The following CDC45 variants were observed in gnomAD, a reference collection of about 807,000 sequenced individuals.
CDC45 encodes cell division cycle 45.
Under a neutral mutation model 77.8 loss-of-function variants are expected in CDC45, and 54 were observed. The ratio of observed to expected loss-of-function variants is 0.69; its 90% CI spans 0.56 to 0.87. The LOEUF is 0.87. CDC45 is among the 40% of genes least tolerant of loss of function. The probability of loss-of-function intolerance (pLI) is 0.00; values close to 1 mark genes in which losing one functional copy is unlikely to be tolerated. For missense variants in CDC45, 649 were observed against 721.6 expected (o/e 0.90, Z 1.15); for synonymous variants, 260 against 272.1 (o/e 0.96, Z 0.44).
Position 19,507,381 on chromosome 22 carries a change from C to T in CDC45, c.825-5C>T, listed in dbSNP as rs1933254120. Reference sequence around the variant, plus strand: ...TGCTTGCATGCTCCTTGACTGCAGGCCCAGCCTCCGCCTGGTGCTCTACCA... The same window carrying T: ...TGCTTGCATGCTCCTTGACTGCAGGTCCAGCCTCCGCCTGGTGCTCTACCA... On this transcript the variant is annotated splice_region_variant and splice_polypyrimidine_tract_variant and intron_variant, in intron 10 of 18. Coordinates refer to ENST00000263201, the MANE Select transcript of CDC45 (RefSeq NM_003504.5). The T allele has an allele frequency of 1.2e-6, 2 of 1,613,562 alleles. No individual in the cohort carries two copies. Among genetic ancestry groups the T allele is most frequent in the Non-Finnish European group, 8.5e-7 (1 of 1,179,848 alleles).
At position 19,495,636 on chromosome 22, in the gene CDC45, A is replaced by G. The variant is rs145011946; in HGVS notation, c.543-345A>G. Reference sequence around the variant, plus strand: ...AGTTTGAGACCAACCTGGACAACATAGTGAGACTTTGTCTCTATTAAAAAA... The same window carrying G: ...AGTTTGAGACCAACCTGGACAACATGGTGAGACTTTGTCTCTATTAAAAAA... On this transcript the variant is annotated intron_variant, in intron 6 of 18. Coordinates refer to ENST00000263201, the MANE Select transcript of CDC45 (RefSeq NM_003504.5). Among the ~76,000 whole-genome samples the G allele has an allele frequency of 2.0e-5, 3 of 152,332 alleles. No homozygotes were observed. In the East Asian group the frequency reaches 5.8e-4, roughly 29 times the overall value.
At chr22:19,491,801 T>G (rs2090157681) in intron 5 of CDC45, among the ~76,000 whole-genome samples, 1 of 151,984 alleles carries the variant, frequency 6.6e-6, no homozygotes, top group Non-Finnish European at 1.5e-5. Flanking sequence ...CACCTCCCGT[T>G]ACCCAGCTTC....
chr22:19,498,930 C>T (rs1201198312), intron 8 of CDC45, among the ~76,000 whole-genome samples, 171 bp from the exon 9 acceptor site: 1 of 152,222 alleles, frequency 6.6e-6, no homozygotes, highest in Non-Finnish European at 1.5e-5. Context: ...CTAACCTCTT[C>T]ACCTCAAGGA....
intron 5 of CDC45, among the ~76,000 whole-genome samples, chr22:19,487,460 G>A (rs973042997): frequency 6.6e-6 from 1 of 151,902 alleles, no homozygotes; most frequent in Admixed American, 6.6e-5. Flanking sequence ...CAGGAGGTTG[G>A]TTGAGGCTGC....
chr22:19,519,179 T>G (rs950621774), intron 18 of CDC45, among the ~76,000 whole-genome samples: 2 of 152,168 alleles, frequency 1.3e-5, no homozygotes, highest in African/African-American at 4.8e-5. Context: ...CTGACCACAC[T>G]TGGGCTGGGC....
intron 10 of CDC45, among the ~76,000 whole-genome samples, chr22:19,506,815 TC>T (rs1192890956): frequency 6.6e-6 from 1 of 151,860 alleles, no homozygotes; most frequent in Non-Finnish European, 1.5e-5. Context: ...GTGCCTATAG[TC>T]CCAGCTATTC....
Position 19,480,022 on chromosome 22 carries a change from G to A in CDC45, c.51+3G>A, listed in dbSNP as rs1217475679. 4 of 1,614,000 alleles carry A rather than the reference G, an allele frequency of 2.5e-6. No homozygotes were observed. In the East Asian group the frequency reaches 8.9e-5, roughly 36 times the overall value. On this transcript the variant is annotated splice_donor_region_variant and intron_variant, in intron 1 of 18. Coordinates refer to ENST00000263201, the MANE Select transcript of CDC45 (RefSeq NM_003504.5). ...TCTACGAGGTGGTCCAGAGCCAGGTGACGCCCAGTCCGGGACCCCCGCCGA... is the reference window on the plus strand; with the variant it reads ...TCTACGAGGTGGTCCAGAGCCAGGTAACGCCCAGTCCGGGACCCCCGCCGA...
intron 13 of CDC45, among the ~76,000 whole-genome samples, chr22:19,509,257 A>G (rs554884320): frequency 1.3e-5 from 2 of 152,332 alleles, no homozygotes; most frequent in African/African-American, 4.8e-5. Context: ...TGGCAAGCCA[A>G]ATATGCATCC....
chr22:19,514,245 A>T (rs1243459306), intron 13 of CDC45, among the ~76,000 whole-genome samples: 2 of 152,206 alleles, frequency 1.3e-5, no homozygotes, highest in Non-Finnish European at 2.9e-5. Context: ...TGGTCATAAG[A>T]CATCGTTTCA....
chr22:19,483,766 A>C (rs1005900394), intron 4 of CDC45, 96 bp from the exon 5 acceptor site: 2 of 1,184,018 alleles, frequency 1.7e-6, no homozygotes, highest in African/African-American at 1.6e-5. Flanking sequence ...AAACTGAGTC[A>C]GCTTATTAGG....
rs951210420 is a variant in CDC45, at chr22:19,507,687, T to G, written c.957-79T>G. ...AATGCTGGTGCGGGGACATCCTCGC[T>G]TGCCCTTGGTTTGGGTTTCTTTCCA... is the stretch of plus-strand genomic sequence containing the variant. On this transcript the variant is annotated intron_variant, in intron 11 of 18. Transcript: ENST00000263201. 2.9e-6 allele frequency: 4 copies of G among 1,365,520 alleles called. No homozygotes were observed. The African/African-American group carries it at 5.8e-5, about 20-fold the overall frequency. The allele number at this position is 1,365,520 out of a possible 1,614,324, so 84.6% of individuals were successfully genotyped here.
chr22:19,494,575 G>A (rs2090209455), intron 6 of CDC45, 193 bp downstream of exon 6: 2 of 1,548,456 alleles, frequency 1.3e-6, no homozygotes, highest in African/African-American at 1.4e-5. Context: ...GGTCCCATGA[G>A]TGACAGGACA....
chr22:19,480,352 C>T (rs528571675), intron 2 of CDC45, 135 bp downstream of exon 2: 3 of 820,562 alleles, frequency 3.7e-6, no homozygotes, highest in African/African-American at 3.4e-5. Flanking sequence ...AGGAGGTGAA[C>T]AGCAAGTGAG....
chr22:19,480,142 T>G lies in CDC45; in HGVS notation c.52-16T>G, dbSNP rs747011825. ...TTCGGGTCGCCGTGTTCAGCCGGTCTGCTCTTCCCCGATAGAGGGTCCTTC... is the reference window on the plus strand; with the variant it reads ...TTCGGGTCGCCGTGTTCAGCCGGTCGGCTCTTCCCCGATAGAGGGTCCTTC... On this transcript the variant is annotated splice_polypyrimidine_tract_variant and intron_variant, in intron 1 of 18. Transcript: ENST00000263201. 6.2e-7 allele frequency: 1 copy of G among 1,614,000 alleles called. No individual in the cohort carries two copies. Among genetic ancestry groups the G allele is most frequent in the South Asian group, 1.1e-5 (1 of 91,078 alleles).
rs540455042 is a variant in CDC45 at position 19,517,931 on chromosome 22, T to C, written c.1637-913T>C. ...TGCACCTCTGAGAAAGGATATTTTCTTGCCTCATCACCACGGATTCCTCAA... is the reference window on the plus strand; with the variant it reads ...TGCACCTCTGAGAAAGGATATTTTCCTGCCTCATCACCACGGATTCCTCAA... On this transcript the variant is annotated intron_variant, in intron 17 of 18. Coordinates refer to ENST00000263201, the MANE Select transcript of CDC45 (RefSeq NM_003504.5). Among the ~76,000 whole-genome samples, 13 of 152,358 alleles carry C rather than the reference T, an allele frequency of 8.5e-5. No homozygotes were observed. In the East Asian group the frequency reaches 2.5e-3, roughly 29 times the overall value.
intron 9 of CDC45, 102 bp downstream of exon 9, chr22:19,499,253 C>G: frequency 8.2e-7 from 1 of 1,216,406 alleles, no homozygotes; most frequent in Non-Finnish European, 1.2e-6. Context: ...CCTGTAGGGT[C>G]CTATTGAGAA....
At chr22:19,509,708 G>A (rs1933407389) in intron 13 of CDC45, among the ~76,000 whole-genome samples, 1 of 152,102 alleles carries the variant, frequency 6.6e-6, no homozygotes, top group Non-Finnish European at 1.5e-5. Context: ...TGCTTTTTAT[G>A]TATAAATTTC....
At chr22:19,501,218 A>C (rs936626435) in intron 9 of CDC45, among the ~76,000 whole-genome samples, 2 of 151,906 alleles carry the variant, frequency 1.3e-5, no homozygotes, top group African/African-American at 4.8e-5. Context: ...AATTATGGAG[A>C]GCCTACCTGA....
chr22:19,502,048 A>G (rs2097600), intron 9 of CDC45, among the ~76,000 whole-genome samples: 54,454 of 152,082 alleles, frequency 0.36, 11,882 homozygotes, highest in Non-Finnish European at 0.48. Flanking sequence ...TGTGACCATC[A>G]GATGTTCACC....
Sources: gnomAD v4.1 joint callset for allele counts (sites outside exome capture counted in the v4.1 genomes callset) on GRCh38, gnomAD v4.1.1 for gene constraint, MANE v1.5 for transcripts, NCBI Gene and HGNC (gene_info 2026-07-23, HGNC 2026-07-21) for gene names.